SIPA1L3: variants seen among roughly 807,000 people sequenced by gnomAD.
SIPA1L3 encodes signal-induced proliferation-associated 1-like protein 3.
SIPA1L3 carries 59 observed loss-of-function variants against 150.1 expected under a neutral mutation model. The observed-to-expected ratio is 0.39, with a 90% confidence interval of 0.32 to 0.49. The LOEUF is 0.49. Ranked by LOEUF, SIPA1L3 falls within the 20% of genes least tolerant of loss-of-function variation. The probability of loss-of-function intolerance (pLI) is 0.86; values close to 1 mark genes in which losing one functional copy is unlikely to be tolerated. For synonymous variants in SIPA1L3, 1,070 were observed against 1,077.6 expected (o/e 0.99, Z 0.14); for missense variants, 2,211 against 2,489.5 (o/e 0.89, Z 2.38).
chr19:37,929,393 G>A (rs531388778), intron 1 of SIPA1L3, among the ~76,000 whole-genome samples: 3 of 152,198 alleles, frequency 2.0e-5, no homozygotes, highest in South Asian at 2.1e-4. Context: ...TTTTGTCATC[G>A]TGCTTACCAG....
At position 38,018,156 on chromosome 19, in the gene SIPA1L3, C is replaced by CTTTT. The variant is rs34874664; in HGVS notation, c.-378-10910_-378-10907dup. Among the ~76,000 whole-genome samples the CTTTT allele has an allele frequency of 7.5e-3, 459 of 61,336 alleles. 92 individuals carry two copies. Among genetic ancestry groups the CTTTT allele is most frequent in the African/African-American group, 0.033 (445 of 13,680 alleles). The allele number at this position is 61,336 out of a possible 152,430, so 40.2% of individuals were successfully genotyped here. A position where few individuals can be genotyped will look rare whatever the true frequency, so the allele number is the denominator to read the frequency against. On this transcript the variant is annotated intron_variant, in intron 1 of 21. Transcript: ENST00000222345. The stretch of plus-strand genomic sequence containing the variant: ...TCAGTCTGGATAGCCCTTTGAGTGT[C>CTTTT]TTTTTTTTTTTTTTTTTTTTTTTTT...
chr19:37,920,823 C>T (rs1330109820), intron 1 of SIPA1L3, among the ~76,000 whole-genome samples: 2 of 152,224 alleles, frequency 1.3e-5, no homozygotes, highest in Non-Finnish European at 2.9e-5. Flanking sequence ...GCCCCAGCAG[C>T]CCTGGCTTCT....
At chr19:37,908,912 C>G (rs1033480118) in intron 1 of SIPA1L3, among the ~76,000 whole-genome samples, 3 of 152,206 alleles carry the variant, frequency 2.0e-5, no homozygotes, top group Non-Finnish European at 4.4e-5. Flanking sequence ...GTCCCCTGCA[C>G]TCCAGCTCCA....
At chr19:37,958,752 CAA>C (rs2046832249) in intron 1 of SIPA1L3, among the ~76,000 whole-genome samples, 1 of 152,072 alleles carries the variant, frequency 6.6e-6, no homozygotes, top group Non-Finnish European at 1.5e-5. Flanking sequence ...CATAAAAAGA[CAA>C]ACCGTAGAAT....
Position 38,201,979 on chromosome 19 carries a change from G to A in SIPA1L3, c.5102G>A (p.Arg1701Lys), listed in dbSNP as rs1973097990. 1 of 1,612,494 alleles carries A rather than the reference G, an allele frequency of 6.2e-7. No homozygotes were observed. ...LSLERGPPTP[R>K]TTPTMSEEPP... ...CTGGAGAGGGGACCCCCGACCCCCAGGACCACCCCTACCATGAGGTGAGGT... is the reference window on the plus strand; with the variant it reads ...CTGGAGAGGGGACCCCCGACCCCCAAGACCACCCCTACCATGAGGTGAGGT... The change falls in exon 20 of 22, where the codon AGG becomes AAG. Residue 1701 changes from arginine to lysine, a missense_variant. Around this residue, in one of 5 missense-constraint regions of SIPA1L3, gnomAD observed 63 missense variants for 106.1 expected, o/e 0.59. Transcript: ENST00000222345.
In SIPA1L3 at chr19:38,082,598, G is replaced by C; in HGVS notation, c.1033G>C (p.Val345Leu). The change falls in exon 3 of 22, where the codon GTG becomes CTG. Residue 345 changes from valine to leucine, a missense_variant. By Grantham distance (32) the Val-to-Leu change is conservative (BLOSUM62 1). Coordinates refer to ENST00000222345, the MANE Select transcript of SIPA1L3 (RefSeq NM_015073.3). ...TCAGAAGAGCTTCGCCCACTTCGAC[G>C]TGCAGAGCATGCTGTTCGACCTCAA... is the stretch of plus-strand genomic sequence containing the variant. Reference protein sequence around the residue: ...VCQKSFAHFDVQSMLFDLNEA... With the variant: ...VCQKSFAHFDLQSMLFDLNEA... 1 of 1,604,210 alleles carries C rather than the reference G, an allele frequency of 6.2e-7. No individual in the cohort carries two copies. The highest frequency in any genetic ancestry group is 8.5e-7 in the Non-Finnish European group (1 of 1,179,762).
intron 1 of SIPA1L3, among the ~76,000 whole-genome samples, chr19:37,987,470 T>A (rs958339370): frequency 1.7e-4 from 26 of 152,214 alleles, no homozygotes; most frequent in Non-Finnish European, 4.4e-5. Context: ...GATCACTCTT[T>A]GATGTCAGAA....
intron 1 of SIPA1L3, among the ~76,000 whole-genome samples, chr19:38,028,511 C>T (rs987577559): frequency 7.9e-5 from 12 of 152,122 alleles, no homozygotes; most frequent in African/African-American, 2.9e-4. Flanking sequence ...GTCACAGTCC[C>T]ATCACTATGG....
intron 1 of SIPA1L3, among the ~76,000 whole-genome samples, chr19:37,935,046 C>A (rs2046588414): frequency 6.6e-6 from 1 of 152,082 alleles, no homozygotes; most frequent in South Asian, 2.1e-4. Flanking sequence ...ACCTGTTTGG[C>A]CACCTTGTTA....
intron 1 of SIPA1L3, among the ~76,000 whole-genome samples, chr19:37,925,525 C>G (rs79298200): frequency 0.023 from 3,456 of 151,414 alleles, 62 homozygotes; most frequent in Non-Finnish European, 0.038. Flanking sequence ...TCTTAGGGTC[C>G]TGCACAGGTT....
chr19:37,983,487 C>G (rs833914), intron 1 of SIPA1L3, among the ~76,000 whole-genome samples: 42,682 of 151,938 alleles, frequency 0.28, 7,039 homozygotes, highest in East Asian at 0.61. Flanking sequence ...TCCTAGGCAC[C>G]GTGCAGTAGC....
At chr19:38,203,993 C>G in intron 20 of SIPA1L3, 134 bp from the exon 21 acceptor site, 1 of 677,332 alleles carries the variant, frequency 1.5e-6, no homozygotes, top group Non-Finnish European at 2.5e-6. Context: ...TGCTTCCCCT[C>G]AGAGCTTCTC....
chr19:38,083,804 A>G (rs1970063517), intron 3 of SIPA1L3, among the ~76,000 whole-genome samples: 1 of 152,128 alleles, frequency 6.6e-6, no homozygotes, highest in Non-Finnish European at 1.5e-5. Flanking sequence ...CAGCTTGGCC[A>G]ACATGGTGAA....
chr19:38,082,171 C>T lies in SIPA1L3; in HGVS notation c.606C>T (p.Tyr202=), dbSNP rs764806224. Residue 202 remains tyrosine, a synonymous_variant, in exon 3 of 22, where the codon TAC becomes TAT. Coordinates refer to ENST00000222345, the MANE Select transcript of SIPA1L3 (RefSeq NM_015073.3). ...HTGALPLFRE[Y]GSTSSIDVQG... ...GGGCGCTGCCCCTCTTCCGCGAGTA[C>T]GGGAGCACCTCGTCCATCGACGTGC... 3.1e-6 allele frequency: 5 copies of T among 1,605,070 alleles called. No homozygotes were observed. In the Admixed American group the frequency reaches 5.0e-5, roughly 16 times the overall value.
At chr19:38,071,923 A>G (rs59924572) in intron 2 of SIPA1L3, among the ~76,000 whole-genome samples, 2,436 of 152,350 alleles carry the variant, frequency 0.016, 65 homozygotes, top group African/African-American at 0.056. Flanking sequence ...GGGAATGTTC[A>G]GTTGCAGTGC....
intron 2 of SIPA1L3, among the ~76,000 whole-genome samples, chr19:38,052,758 C>T (rs933504522): frequency 5.3e-5 from 8 of 152,212 alleles, no homozygotes; most frequent in Non-Finnish European, 7.3e-5. Context: ...TTGCATGCCA[C>T]CAGCCAGTCA....
intron 3 of SIPA1L3, among the ~76,000 whole-genome samples, chr19:38,087,602 GC>G (rs1970162462): frequency 1.3e-5 from 2 of 152,212 alleles, no homozygotes. Flanking sequence ...AGAACTATTT[GC>G]CTGGAAGGGT....
At chr19:38,142,491 ATCTG>A in intron 11 of SIPA1L3, 78 bp from the exon 12 acceptor site, 5 of 1,456,302 alleles carry the variant, frequency 3.4e-6, no homozygotes, top group Non-Finnish European at 1.9e-6. Flanking sequence ...CTGTCCATCC[ATCTG>A]TCTGTCCGTC....
intron 2 of SIPA1L3, among the ~76,000 whole-genome samples, chr19:38,067,817 T>C (rs1050523397): frequency 2.6e-5 from 4 of 151,520 alleles, no homozygotes; most frequent in African/African-American, 4.8e-5. Context: ...TGACGTTAAA[T>C]GTGGAAGTGC....
Sources: allele counts gnomAD v4.1 joint callset (sites outside exome capture counted in the v4.1 genomes callset), GRCh38; gene constraint gnomAD v4.1.1; regional missense constraint gnomAD v4.1.1; transcripts MANE v1.5; gene names NCBI Gene and HGNC (gene_info 2026-07-23, HGNC 2026-07-21).